The following MARCHF7 variants were observed in gnomAD, a reference collection of about 807,000 sequenced individuals.
MARCHF7 encodes E3 ubiquitin-protein ligase MARCHF7.
Under a neutral mutation model 76.5 loss-of-function variants are expected in MARCHF7, and 20 were observed. That is an observed-to-expected ratio of 0.26 (90% confidence interval 0.18 to 0.38). The LOEUF is 0.38. MARCHF7 is among the 10% of genes least tolerant of loss of function. The pLI, the probability that MARCHF7 is intolerant of heterozygous loss-of-function variation, is 1.00. For synonymous variants in MARCHF7, 295 were observed against 293.0 expected (o/e 1.01, Z -0.07); for missense variants, 797 against 812.9 (o/e 0.98, Z 0.24).
At chr2:159,746,011 C>A (rs548931415) in intron 6 of MARCHF7, 74 bp downstream of exon 6, 3 of 1,213,608 alleles carry the variant, frequency 2.5e-6, no homozygotes, top group Non-Finnish European at 3.5e-6. Context: ...ACTAAAACAA[C>A]AGTACAAAGG....
intron 4 of MARCHF7, chr2:159,733,253 T>A: frequency 1.1e-6 from 1 of 871,356 alleles, no homozygotes; most frequent in Non-Finnish European, 1.4e-6. Flanking sequence ...AATTATTTAG[T>A]TTTTGAGACG....
chr2:159,766,367 A>G (rs1168204187), intron 11 of MARCHF7, among the ~76,000 whole-genome samples: 2 of 152,158 alleles, frequency 1.3e-5, no homozygotes, highest in Non-Finnish European at 2.9e-5. Context: ...TTAGTGTTGC[A>G]TAGTTTTTCT....
chr2:159,757,070 T>C (rs1336997110), intron 8 of MARCHF7, among the ~76,000 whole-genome samples: 1 of 152,072 alleles, frequency 6.6e-6, no homozygotes, highest in African/African-American at 2.4e-5. Context: ...ATTTTTTGTA[T>C]TTTTAGTAGA....
chr2:159,733,306 C>T (rs1450113766), intron 4 of MARCHF7: 1 of 622,246 alleles, frequency 1.6e-6, no homozygotes, highest in Admixed American at 6.3e-5. Flanking sequence ...AGCACAATCT[C>T]AGCTCACTGA....
At chr2:159,764,249 T>TGC (rs1201866963) in intron 10 of MARCHF7, among the ~76,000 whole-genome samples, 5 of 131,110 alleles carry the variant, frequency 3.8e-5, no homozygotes, top group South Asian at 2.3e-4. Context: ...TGTGTGTGTG[T>TGC]GTGTGTGCGC....
At chr2:159,764,716 T>A (rs1574461747) in intron 11 of MARCHF7, 42 bp downstream of exon 11, 1 of 1,539,622 alleles carries the variant, frequency 6.5e-7, no homozygotes, top group East Asian at 2.4e-5. Flanking sequence ...GAATTTACTT[T>A]TGCAAATTAA....
At chr2:159,722,162 A>G (rs28398388) in intron 3 of MARCHF7, among the ~76,000 whole-genome samples, 2,016 of 151,980 alleles carry the variant, frequency 0.013, 16 homozygotes, top group Middle Eastern at 0.027. Flanking sequence ...TTTTTGAGAC[A>G]GTCTTTCTCT....
intron 11 of MARCHF7, among the ~76,000 whole-genome samples, chr2:159,766,190 C>G (rs577434044): frequency 5.9e-5 from 9 of 152,244 alleles, no homozygotes; most frequent in African/African-American, 2.2e-4. Context: ...AAATTATCCT[C>G]TCCTGTGGAG....
In MARCHF7 at chr2:159,717,588, C is replaced by G. The variant is rs1288972949; in HGVS notation, c.-15+1822C>G. ...ATTTTAACTTTATCTTTCACTTAGT[C>G]TTTACTAGAGTTATTTTTGTGGTAA... On this transcript the variant is annotated intron_variant, in intron 3 of 11. Transcript: ENST00000409175. Among the ~76,000 whole-genome samples the G allele has an allele frequency of 2.6e-5, 4 of 152,094 alleles. No individual in the cohort carries two copies. The East Asian group carries it at 7.7e-4, about 29-fold the overall frequency.
chr2:159,751,526 A>C (rs189945775), intron 7 of MARCHF7, among the ~76,000 whole-genome samples: 190 of 152,330 alleles, frequency 1.2e-3, no homozygotes, highest in African/African-American at 4.4e-3. Context: ...CCAGGGCATG[A>C]AAGTCTCCTA....
chr2:159,733,884 G>A, intron 4 of MARCHF7: 1 of 1,206,386 alleles, frequency 8.3e-7, no homozygotes, highest in Non-Finnish European at 1.0e-6. Context: ...CCAAGATTCT[G>A]GATAGCATTG....
intron 9 of MARCHF7, among the ~76,000 whole-genome samples, chr2:159,760,036 C>T (rs1238612184): frequency 6.6e-6 from 1 of 152,144 alleles, no homozygotes; most frequent in Non-Finnish European, 1.5e-5. Flanking sequence ...TTTTGTGCAG[C>T]CGCCATCTCT....
intron 9 of MARCHF7, among the ~76,000 whole-genome samples, chr2:159,762,084 T>C (rs963771706): frequency 6.6e-6 from 1 of 152,228 alleles, no homozygotes; most frequent in Non-Finnish European, 1.5e-5. Context: ...AAATGTCATA[T>C]ACCCTATAGT....
At chr2:159,742,476 A>G (rs1466407228) in intron 4 of MARCHF7, among the ~76,000 whole-genome samples, 1 of 152,190 alleles carries the variant, frequency 6.6e-6, no homozygotes, top group Non-Finnish European at 1.5e-5. Flanking sequence ...TTCATTTTCA[A>G]AAAGAAAAAA....
At chr2:159,745,979 C>T in intron 6 of MARCHF7, 42 bp downstream of exon 6, 1 of 1,525,728 alleles carries the variant, frequency 6.6e-7, no homozygotes, top group Non-Finnish European at 8.9e-7. Context: ...CATAATGTTC[C>T]ATTTTCCTCT....
intron 1 of MARCHF7, among the ~76,000 whole-genome samples, chr2:159,713,445 C>A (rs1700539595): frequency 6.6e-6 from 1 of 152,136 alleles, no homozygotes. Context: ...TTGTTTGTTA[C>A]TATTAGTTAA....
At chr2:159,759,798 T>C (rs952061060) in intron 9 of MARCHF7, among the ~76,000 whole-genome samples, 3 of 152,180 alleles carry the variant, frequency 2.0e-5, no homozygotes, top group African/African-American at 7.2e-5. Flanking sequence ...CATGAAGTGC[T>C]TGAAAAACAC....
chr2:159,721,057 C>T (rs936327659), intron 3 of MARCHF7, among the ~76,000 whole-genome samples: 7 of 149,040 alleles, frequency 4.7e-5, no homozygotes, highest in South Asian at 2.1e-4. Context: ...TTAGTAGAGG[C>T]GGTTTCGCCA....
At chr2:159,759,996 T>C (rs528512390) in intron 9 of MARCHF7, among the ~76,000 whole-genome samples, 1 of 152,262 alleles carries the variant, frequency 6.6e-6, no homozygotes, top group East Asian at 1.9e-4. Context: ...TTTTATTATA[T>C]TGAATGAGAT....
Sources: gnomAD v4.1 joint callset for allele counts (sites outside exome capture counted in the v4.1 genomes callset) on GRCh38, gnomAD v4.1.1 for gene constraint, MANE v1.5 for transcripts, NCBI Gene and HGNC (gene_info 2026-07-23, HGNC 2026-07-21) for gene names.